Variants in TENM4 observed in about 807,000 individuals in gnomAD.
TENM4 encodes teneurin transmembrane protein 4, also known as teneurin-4.
A neutral mutation model predicts 243.3 loss-of-function variants in TENM4; 82 were observed. The ratio of observed to expected loss-of-function variants is 0.34; its 90% CI spans 0.28 to 0.40. The LOEUF (loss-of-function observed/expected upper bound fraction) is 0.40. Among genes scored for constraint, TENM4 ranks in the 10% least tolerant of loss-of-function variants. The pLI is 1.00. For missense variants in TENM4, 3,138 were observed against 3,673.3 expected (o/e 0.85, Z 3.77); for synonymous variants, 1,412 against 1,456.3 (o/e 0.97, Z 0.69).
intron 1 of TENM4, among the ~76,000 whole-genome samples, chr11:79,362,922 AT>A (rs1857615354): frequency 6.6e-6 from 1 of 152,218 alleles, no homozygotes; most frequent in Non-Finnish European, 1.5e-5. Flanking sequence ...GTTCCAAAGA[AT>A]ATTCCTGGGA....
intron 26 of TENM4, 41 bp downstream of exon 26, chr11:78,712,441 C>T (rs1859419944): frequency 1.3e-6 from 2 of 1,570,534 alleles, no homozygotes; most frequent in East Asian, 2.3e-5. Context: ...GAAAATACCC[C>T]AATAAATGTT....
intron 15 of TENM4, among the ~76,000 whole-genome samples, chr11:78,793,777 G>A (rs1857107684): frequency 6.6e-6 from 1 of 152,210 alleles, no homozygotes; most frequent in Non-Finnish European, 1.5e-5. Context: ...GAAACAGCTT[G>A]GAGACATTAA....
intron 12 of TENM4, among the ~76,000 whole-genome samples, chr11:78,830,455 C>T (rs528953460): frequency 1.3e-5 from 2 of 152,326 alleles, no homozygotes; most frequent in African/African-American, 4.8e-5. Context: ...ACTTGCTGGT[C>T]TCAAGGCTTC....
At chr11:78,755,830 C>A (rs532631297) in intron 19 of TENM4, among the ~76,000 whole-genome samples, 1 of 152,286 alleles carries the variant, frequency 6.6e-6, no homozygotes, top group Non-Finnish European at 1.5e-5. Flanking sequence ...ATTGTTCCCT[C>A]AGGACAGGGA....
intron 6 of TENM4, among the ~76,000 whole-genome samples, chr11:79,007,592 A>G (rs1858525121): frequency 6.6e-6 from 1 of 152,140 alleles, no homozygotes; most frequent in African/African-American, 2.4e-5. Flanking sequence ...TTCCTGAGAC[A>G]AGGAGTAAGG....
intron 4 of TENM4, among the ~76,000 whole-genome samples, chr11:79,124,772 T>TATAC (rs1555013136): frequency 8.3e-5 from 12 of 144,604 alleles, no homozygotes; most frequent in South Asian, 2.2e-4. Context: ...TATATATATA[T>TATAC]ACACATATAT....
intron 12 of TENM4, among the ~76,000 whole-genome samples, chr11:78,848,221 G>A (rs1346883312): frequency 3.4e-5 from 5 of 148,386 alleles, no homozygotes; most frequent in East Asian, 2.0e-4. Flanking sequence ...ATAAATTCAT[G>A]AGCTCTTGTT....
At chr11:79,344,231 C>T (rs943016174) in intron 1 of TENM4, among the ~76,000 whole-genome samples, 1 of 152,144 alleles carries the variant, frequency 6.6e-6, no homozygotes, top group African/African-American at 2.4e-5. Context: ...CTAAGTACTC[C>T]TGAGTTTTTC....
intron 12 of TENM4, among the ~76,000 whole-genome samples, chr11:78,818,116 C>A (rs1291268578): frequency 6.6e-6 from 1 of 152,104 alleles, no homozygotes. Context: ...TGTTTCTACT[C>A]CTGAAAGAAT....
In TENM4 at chr11:78,658,072, T is replaced by C. The variant is rs1339842469; in HGVS notation, c.8296A>G (p.Met2766Val). 1.2e-6 allele frequency: 2 copies of C among 1,612,562 alleles called. No individual in the cohort carries two copies. Among genetic ancestry groups the C allele is most frequent in the Admixed American group, 3.3e-5 (2 of 59,836 alleles). ...NNIHFMRQSE[M>V]GRR The stretch of plus-strand genomic sequence containing the variant: ...GGTCCTCTCTGTCACCTCCGGCCCA[T>C]CTCGCTCTGTCTCATGAAGTGGATG... The change falls in exon 34 of 34, where the codon ATG (methionine) becomes GTG (valine). Residue 2766 changes from methionine to valine, a missense_variant. Physicochemically the swap from Met to Val is conservative, Grantham distance 21. Transcript: ENST00000278550.
chr11:78,913,583 ATGTGTGTG>A (rs55835050), intron 6 of TENM4, among the ~76,000 whole-genome samples: 73,707 of 141,638 alleles, frequency 0.52, 19,720 homozygotes, highest in East Asian at 0.62. Flanking sequence ...GGTAAGAGGT[ATGTGTGTG>A]TGTGTGTGTG....
intron 6 of TENM4, among the ~76,000 whole-genome samples, chr11:79,032,156 T>C (rs770839397): frequency 2.6e-5 from 4 of 152,250 alleles, no homozygotes; most frequent in South Asian, 2.1e-4. Context: ...CTTGTACTTT[T>C]GTTCCTTAAA....
At chr11:78,688,288 T>C (rs1036458806) in intron 28 of TENM4, 62 bp from the exon 29 acceptor site, 81 of 1,541,938 alleles carry the variant, frequency 5.3e-5, no homozygotes, top group Non-Finnish European at 7.0e-5. Context: ...TGGAACTTGG[T>C]GCATTCTACC....
Position 79,014,465 on chromosome 11 carries a change from A to G in TENM4, c.493+50273T>C, listed in dbSNP as rs1483379656. On this transcript the variant is annotated intron_variant, in intron 6 of 33. Transcript: ENST00000278550. ...TTTGTTCCAAAATGCCCTCAGACGA[A>G]ACCAATACAGCATATGCACATTCTA... The G allele has an allele frequency of 2.0e-5, 3 of 152,346 alleles. No individual in the cohort carries two copies. In the East Asian group the frequency reaches 5.8e-4, roughly 29 times the overall value. 9.4% of individuals were successfully genotyped at this position (152,346 alleles called of 1,614,324 possible).
chr11:79,307,283 C>T (rs914841296), intron 1 of TENM4, among the ~76,000 whole-genome samples: 48 of 152,098 alleles, frequency 3.2e-4, no homozygotes, highest in Non-Finnish European at 1.9e-4. Context: ...AAACTCAGAG[C>T]GCCAACAACC....
At chr11:78,883,842 G>C (rs927761698) in intron 9 of TENM4, among the ~76,000 whole-genome samples, 5 of 152,152 alleles carry the variant, frequency 3.3e-5, no homozygotes, top group Non-Finnish European at 7.3e-5. Flanking sequence ...TGCATTGCTG[G>C]AACAGTGAGA....
At chr11:79,335,263 A>G (rs1857128794) in intron 1 of TENM4, among the ~76,000 whole-genome samples, 1 of 152,224 alleles carries the variant, frequency 6.6e-6, no homozygotes. Flanking sequence ...GACTGGGGAA[A>G]GCCCCCTTCC....
At chr11:79,102,273 A>G (rs1861251553) in intron 4 of TENM4, among the ~76,000 whole-genome samples, 1 of 152,212 alleles carries the variant, frequency 6.6e-6, no homozygotes, top group Non-Finnish European at 1.5e-5. Flanking sequence ...GCAGTCATAC[A>G]TTGGAAAGCT....
chr11:79,420,852 C>A (rs1858916965), intron 1 of TENM4, among the ~76,000 whole-genome samples: 1 of 152,146 alleles, frequency 6.6e-6, no homozygotes, highest in Admixed American at 6.5e-5. Context: ...GTCAGATAAA[C>A]CCAGGTTCAA....
Sources: gnomAD v4.1 joint callset for allele counts (sites outside exome capture counted in the v4.1 genomes callset) on GRCh38, gnomAD v4.1.1 for gene constraint, MANE v1.5 for transcripts, NCBI Gene and HGNC (gene_info 2026-07-23, HGNC 2026-07-21) for gene names.